The following JADE3 variants were observed in gnomAD, a reference collection of about 807,000 sequenced individuals.
JADE3 encodes the protein jade family PHD finger 3.
A neutral mutation model predicts 50.1 loss-of-function variants in JADE3; 2 were observed. The ratio of observed to expected loss-of-function variants is 0.04; its 90% CI spans 0.02 to 0.13. The LOEUF (loss-of-function observed/expected upper bound fraction) is 0.13. Among genes scored for constraint, JADE3 ranks in the 10% least tolerant of loss-of-function variants. The pLI, the probability that JADE3 is intolerant of heterozygous loss-of-function variation, is 1.00. For synonymous variants in JADE3, 218 were observed against 232.9 expected, an observed-to-expected ratio of 0.94 and a Z score of 0.58; for missense variants, 475 against 634.4, an observed-to-expected ratio of 0.75 and a Z score of 2.70.
chrX:47,017,522 C>T (rs1928701192), intron 4 of JADE3, among the ~76,000 whole-genome samples: 1 of 111,184 alleles, frequency 9.0e-6, no homozygotes, highest in Non-Finnish European at 1.9e-5. Flanking sequence ...TGAAGTTTTA[C>T]TGTGTGTGTG....
chrX:47,035,538 C>A (rs1929116370), intron 7 of JADE3, among the ~76,000 whole-genome samples: 1 of 111,637 alleles, frequency 9.0e-6, no homozygotes, highest in African/African-American at 3.3e-5. Context: ...TTATAAAAGT[C>A]CAGAACATGA....
chrX:47,038,256 T>C (rs1414218590), intron 7 of JADE3, among the ~76,000 whole-genome samples: 1 of 111,841 alleles, frequency 8.9e-6, no homozygotes, highest in African/African-American at 3.3e-5. Flanking sequence ...GCAAAAAATA[T>C]GGGAGTGCAG....
Position 47,061,029 on chromosome X carries a change from T to C in JADE3, c.*1952T>C, listed in dbSNP as rs1171492446. 1 of 112,156 alleles carries C rather than the reference T, an allele frequency of 8.9e-6. No homozygotes were observed. The highest frequency in any genetic ancestry group is 1.9e-5 in the Non-Finnish European group (1 of 53,125). The allele number at this position is 112,156 out of a possible 1,213,427, so 9.2% of individuals were successfully genotyped here. ...ATATAGTTGTAATATTTTTACAGGA[T>C]ATTCCTAGGTAAATGAAGGAGCCTT... is the stretch of plus-strand genomic sequence containing the variant. On this transcript the variant is annotated 3_prime_UTR_variant, in exon 11 of 11. Transcript: ENST00000614628.
At chrX:46,976,752 C>G (rs1005266425) in intron 1 of JADE3, among the ~76,000 whole-genome samples, 2 of 111,850 alleles carry the variant, frequency 1.8e-5, no homozygotes, top group African/African-American at 6.5e-5. Flanking sequence ...TTTCATGGTA[C>G]AAATAAATTT....
intron 4 of JADE3, among the ~76,000 whole-genome samples, chrX:47,008,273 T>TA (rs1347982965): frequency 8.9e-6 from 1 of 111,760 alleles, no homozygotes; most frequent in Non-Finnish European, 1.9e-5. Flanking sequence ...GAAGTGATAC[T>TA]AGTGAAAAAG....
chrX:47,045,790 G>A (rs1278528293), intron 8 of JADE3, among the ~76,000 whole-genome samples: 1 of 109,719 alleles, frequency 9.1e-6, no homozygotes, highest in Non-Finnish European at 1.9e-5. Flanking sequence ...GCTCCTGAAC[G>A]ACCAGTAGGT....
intron 1 of JADE3, among the ~76,000 whole-genome samples, chrX:46,980,197 T>C (rs1196068029): frequency 1.8e-5 from 2 of 111,434 alleles, no homozygotes; most frequent in African/African-American, 6.5e-5. Flanking sequence ...TGATTTTTAA[T>C]TAGGTCATTT....
At chrX:46,971,460 A>C (rs1927488724) in intron 1 of JADE3, among the ~76,000 whole-genome samples, 1 of 109,877 alleles carries the variant, frequency 9.1e-6, no homozygotes, top group Admixed American at 9.7e-5. Flanking sequence ...ATGTACTGCA[A>C]AATTTTTAAA....
intron 4 of JADE3, among the ~76,000 whole-genome samples, chrX:47,021,244 C>T (rs1242032979): frequency 9.0e-6 from 1 of 111,498 alleles, no homozygotes; most frequent in Middle Eastern, 4.2e-3. Flanking sequence ...AATTGTTTTG[C>T]TCATCAGTAG....
chrX:47,034,138 C>G (rs1304163104), intron 7 of JADE3, among the ~76,000 whole-genome samples: 1 of 110,919 alleles, frequency 9.0e-6, no homozygotes, highest in African/African-American at 3.3e-5. Context: ...GTGTGAGCAG[C>G]AGAATTTTTT....
At chrX:46,954,774 C>CA (rs1927079153) in intron 1 of JADE3, among the ~76,000 whole-genome samples, 1 of 111,270 alleles carries the variant, frequency 9.0e-6, no homozygotes, top group African/African-American at 3.3e-5. Context: ...AGGCTGGTCT[C>CA]AAACTCCTGA....
chrX:47,039,380 G>C (rs1929205841), intron 8 of JADE3, among the ~76,000 whole-genome samples: 1 of 97,616 alleles, frequency 1.0e-5, no homozygotes, highest in Admixed American at 1.1e-4. Flanking sequence ...GAAACAACCA[G>C]GCCCATGTTC....
chrX:47,043,970 A>G (rs1556370233), intron 8 of JADE3, among the ~76,000 whole-genome samples: 1 of 111,389 alleles, frequency 9.0e-6, no homozygotes, highest in African/African-American at 3.3e-5. Flanking sequence ...AAGCTATTTG[A>G]AAATGCACAA....
chrX:46,973,093 C>T (rs1927536198), intron 1 of JADE3, among the ~76,000 whole-genome samples: 1 of 112,114 alleles, frequency 8.9e-6, no homozygotes, highest in Non-Finnish European at 1.9e-5. Context: ...CCCAACCTGG[C>T]CTTCTCATGC....
intron 1 of JADE3, among the ~76,000 whole-genome samples, chrX:46,955,656 G>A (rs1271184686): frequency 9.0e-6 from 1 of 111,224 alleles, no homozygotes; most frequent in African/African-American, 3.3e-5. Context: ...CTGTGAACTA[G>A]AATTTAGAAA....
chrX:47,025,129 C>G (rs782019615), intron 5 of JADE3, among the ~76,000 whole-genome samples: 1 of 111,434 alleles, frequency 9.0e-6, no homozygotes, highest in South Asian at 3.8e-4. Context: ...CTTTTCTTTC[C>G]TCATTCATAG....
In JADE3 at chrX:47,059,853, G is replaced by A. The variant is rs1929726643; in HGVS notation, c.*776G>A. ...AGGATTCCAGAGCCTTTCCCAAAGT[G>A]AGACCATTTCTGGGGTATTTGTACC... On this transcript the variant is annotated 3_prime_UTR_variant, in exon 11 of 11. Coordinates refer to ENST00000614628, the MANE Select transcript of JADE3 (RefSeq NM_014735.5). 1 of 112,358 alleles carries A rather than the reference G, an allele frequency of 8.9e-6. No homozygotes were observed. Among genetic ancestry groups the A allele is most frequent in the Non-Finnish European group, 1.9e-5 (1 of 53,276 alleles). 9.3% of individuals were successfully genotyped at this position (112,358 alleles called of 1,213,427 possible).
intron 1 of JADE3, among the ~76,000 whole-genome samples, chrX:46,926,693 A>G (rs939944128): frequency 8.9e-6 from 1 of 112,703 alleles, no homozygotes; most frequent in African/African-American, 3.2e-5. Flanking sequence ...AAACTCTGGC[A>G]GCCACTGATC....
intron 1 of JADE3, among the ~76,000 whole-genome samples, chrX:46,921,359 G>A (rs1029865200): frequency 2.7e-5 from 3 of 112,842 alleles, no homozygotes; most frequent in Admixed American, 9.4e-5. Context: ...AATTACAGGC[G>A]TCAGCCACTG....
Sources: allele counts gnomAD v4.1 joint callset (sites outside exome capture counted in the v4.1 genomes callset), GRCh38; gene constraint gnomAD v4.1.1; transcripts MANE v1.5; gene names NCBI Gene and HGNC (gene_info 2026-07-23, HGNC 2026-07-21).